BMPR2: variants seen among roughly 807,000 people sequenced by gnomAD.
The protein encoded by BMPR2 is bone morphogenetic protein receptor type 2.
BMPR2 carries 29 observed loss-of-function variants against 100.8 expected under a neutral mutation model. The observed-to-expected ratio is 0.29, with a 90% CI of 0.21 to 0.39. The LOEUF is 0.39. Ranked by LOEUF, BMPR2 falls within the 10% of genes least tolerant of loss-of-function variation. The pLI is 1.00. For missense variants in BMPR2, 1,011 were observed against 1,274.5 expected, an observed-to-expected ratio of 0.79 and a Z score of 3.15; for synonymous variants, 382 against 442.3, an observed-to-expected ratio of 0.86 and a Z score of 1.71.
chr2:202,526,506 G>A (rs967641740), intron 7 of BMPR2, among the ~76,000 whole-genome samples: 1 of 152,252 alleles, frequency 6.6e-6, no homozygotes, highest in South Asian at 2.1e-4. Context: ...CCTAAATACA[G>A]AATTGTCCAA....
chr2:202,384,350 G>A (rs1690371341), intron 1 of BMPR2, among the ~76,000 whole-genome samples: 1 of 152,090 alleles, frequency 6.6e-6, no homozygotes. Context: ...TAAATGTGTC[G>A]ACGGTGGACT....
At chr2:202,428,826 C>T (rs1330313464) in intron 1 of BMPR2, among the ~76,000 whole-genome samples, 1 of 152,180 alleles carries the variant, frequency 6.6e-6, no homozygotes, top group East Asian at 1.9e-4. Context: ...GATATCTTGG[C>T]ATTTTCAGGT....
At position 202,384,320 on chromosome 2, in the gene BMPR2, G is replaced by A. The variant is rs1052367238; in HGVS notation, c.76+6770G>A. ...AAATTATCAAGATATAGTGCAAAAT[G>A]TGTGCAATCATTCACGTCTTAAATG... is the stretch of plus-strand genomic sequence containing the variant. On this transcript the variant is annotated intron_variant, in intron 1 of 12. Transcript: ENST00000374580. Among the ~76,000 whole-genome samples the A allele has an allele frequency of 6.6e-5, 10 of 152,176 alleles. 1 individual carries two copies. The highest frequency in any genetic ancestry group is 2.4e-4 in the African/African-American group (10 of 41,440).
In BMPR2 at chr2:202,503,929, C is replaced by A. The variant is rs559883253; in HGVS notation, c.419-9790C>A. On this transcript the variant is annotated intron_variant, in intron 3 of 12. Transcript: ENST00000374580. The surrounding 1 kb of genome is among the most constrained non-coding windows in gnomAD (Gnocchi z 4.0). ...GTATCTAGCTCAAGGTTTGTAAATA[C>A]ACCAATCAGCACCCTGTGTCTAGCT... is the stretch of plus-strand genomic sequence containing the variant. Among the ~76,000 whole-genome samples the A allele has an allele frequency of 6.6e-6, 1 of 152,186 alleles. No individual in the cohort carries two copies. The highest frequency in any genetic ancestry group is 2.1e-4 in the South Asian group (1 of 4,822).
chr2:202,440,411 C>A (rs1402984926), intron 1 of BMPR2, among the ~76,000 whole-genome samples: 4 of 149,318 alleles, frequency 2.7e-5, no homozygotes, highest in Non-Finnish European at 5.9e-5. Context: ...AGACGATGGG[C>A]AGCCGGGCAG....
chr2:202,496,021 C>T (rs1242017371), intron 3 of BMPR2, among the ~76,000 whole-genome samples: 1 of 152,012 alleles, frequency 6.6e-6, no homozygotes, highest in Admixed American at 6.6e-5. Context: ...AAAAAGACAG[C>T]GTTAAAAACG....
At chr2:202,448,560 AG>A (rs1469526670) in intron 1 of BMPR2, among the ~76,000 whole-genome samples, 4 of 151,240 alleles carry the variant, frequency 2.6e-5, no homozygotes, top group Non-Finnish European at 4.4e-5. Context: ...GGGTTCAAGC[AG>A]TTCTCCTGCA....
chr2:202,377,659 T>G, intron 1 of BMPR2, 109 bp downstream of exon 1: 1 of 1,330,026 alleles, frequency 7.5e-7, no homozygotes, highest in South Asian at 1.2e-5. Flanking sequence ...GTCCCCCCGA[T>G]CGCGGTGCAG....
At chr2:202,543,544 T>C (rs1403307848) in intron 10 of BMPR2, among the ~76,000 whole-genome samples, 1 of 151,850 alleles carries the variant, frequency 6.6e-6, no homozygotes, top group African/African-American at 2.4e-5. Flanking sequence ...TTGGATGATA[T>C]ATGATAATTA....
intron 1 of BMPR2, among the ~76,000 whole-genome samples, chr2:202,459,105 T>G (rs1309505960): frequency 6.6e-6 from 1 of 152,224 alleles, no homozygotes; most frequent in African/African-American, 2.4e-5. Flanking sequence ...TCTTCTTTTC[T>G]AAGGTTTTCG....
At chr2:202,535,426 G>A (rs1303565959) in intron 9 of BMPR2, among the ~76,000 whole-genome samples, 3 of 149,928 alleles carry the variant, frequency 2.0e-5, no homozygotes, top group African/African-American at 7.4e-5. Context: ...CTGGGCAGAG[G>A]CGCTCCTCAC....
chr2:202,400,807 G>A (rs1255760937), intron 1 of BMPR2, among the ~76,000 whole-genome samples: 5 of 152,020 alleles, frequency 3.3e-5, no homozygotes, highest in African/African-American at 4.8e-5. Flanking sequence ...GCTACTAATT[G>A]TGAAACATTT....
intron 3 of BMPR2, among the ~76,000 whole-genome samples, chr2:202,470,613 A>C (rs1396273908): frequency 6.6e-6 from 1 of 151,596 alleles, no homozygotes; most frequent in African/African-American, 2.4e-5. Context: ...TACAAAAAAA[A>C]ATTAGCCGGG....
At chr2:202,497,879 A>C (rs1693075552) in intron 3 of BMPR2, among the ~76,000 whole-genome samples, 1 of 152,164 alleles carries the variant, frequency 6.6e-6, no homozygotes, top group African/African-American at 2.4e-5. Context: ...TGGGCTCACC[A>C]ATCAGAAAGA....
rs1172617261 is a variant in BMPR2, at chr2:202,434,879, C to CAAAA, written c.77-29903_77-29900dup. ...CTGGTGACACAGTGAGACTCTGTCT[C>CAAAA]AAAAAAAAAAAAAAAAAAAAAAAAA... On this transcript the variant is annotated intron_variant, in intron 1 of 12. Transcript: ENST00000374580. Among the ~76,000 whole-genome samples the CAAAA allele has an allele frequency of 2.7e-4, 13 of 48,926 alleles. 2 individuals are homozygous for CAAAA. Among genetic ancestry groups the CAAAA allele is most frequent in the African/African-American group, 6.7e-4 (7 of 10,386 alleles). 32.1% of individuals were successfully genotyped at this position (48,926 alleles called of 152,430 possible).
intron 1 of BMPR2, among the ~76,000 whole-genome samples, chr2:202,424,751 C>T (rs916235068): frequency 6.6e-6 from 1 of 151,992 alleles, no homozygotes; most frequent in Non-Finnish European, 1.5e-5. Flanking sequence ...TTAAGAGATA[C>T]CCTTAGTACC....
rs941152140 is a variant in BMPR2 at position 202,503,274 on chromosome 2, C to G, written c.419-10445C>G. 2.0e-5 allele frequency among the ~76,000 whole-genome samples: 3 copies of G among 152,260 alleles called. No individual in the cohort carries two copies. Among genetic ancestry groups the G allele is most frequent in the Non-Finnish European group, 4.4e-5 (3 of 68,046 alleles). On this transcript the variant is annotated intron_variant, in intron 3 of 12. Transcript: ENST00000374580. The surrounding 1 kb of genome is among the most constrained non-coding windows in gnomAD (Gnocchi z 4.0). ...CTCAGCGCCTCTGCCTGGGCTCCCA[C>G]TTTGGCGGCACTTGAGGAGCCCTTC... is the stretch of plus-strand genomic sequence containing the variant.
chr2:202,446,063 T>C (rs2105943387), intron 1 of BMPR2, among the ~76,000 whole-genome samples: 1 of 150,608 alleles, frequency 6.6e-6, no homozygotes, highest in Non-Finnish European at 1.5e-5. Flanking sequence ...CATAAGTCAC[T>C]GCGCCCGGCC....
chr2:202,420,112 TAG>T (rs572614849), intron 1 of BMPR2, among the ~76,000 whole-genome samples: 195 of 152,282 alleles, frequency 1.3e-3, no homozygotes, highest in African/African-American at 4.5e-3. Flanking sequence ...ATTTTTCCTC[TAG>T]AGTTATAATT....
Sources: allele counts gnomAD v4.1 joint callset (sites outside exome capture counted in the v4.1 genomes callset), GRCh38; gene constraint gnomAD v4.1.1; non-coding constraint Gnocchi (gnomAD v3.1); transcripts MANE v1.5; gene names NCBI Gene and HGNC (gene_info 2026-07-23, HGNC 2026-07-21).